Variants in C16orf46 observed in about 807,000 individuals in gnomAD.
C16orf46 encodes the protein uncharacterized protein C16orf46.
A neutral mutation model predicts 5.5 loss-of-function variants in C16orf46; 7 were observed. The observed-to-expected ratio is 1.28, with a 90% CI of 0.73 to 2.40. The LOEUF (loss-of-function observed/expected upper bound fraction) is 2.40, where lower values mean the gene tolerates loss of function less well. Ranked by LOEUF, C16orf46 falls within the 30% of genes most tolerant of loss-of-function variation. C16orf46 has a pLI of 0.00. For synonymous variants in C16orf46, 200 were observed against 184.1 expected (o/e 1.09, Z -0.70); for missense variants, 614 against 476.0 (o/e 1.29, Z -2.70).
intron 1 of C16orf46, among the ~76,000 whole-genome samples, chr16:81,070,132 A>T (rs1041529668): frequency 6.6e-6 from 1 of 152,158 alleles, no homozygotes; most frequent in African/African-American, 2.4e-5. Flanking sequence ...CTCAAAAAAA[A>T]AAACAAACCT....
At chr16:81,058,484 T>C (rs893144937), downstream of C16orf46, among the ~76,000 whole-genome samples, 1 of 152,082 alleles carries the variant, frequency 6.6e-6, no homozygotes, top group Non-Finnish European at 1.5e-5. Context: ...CAAAACCAGA[T>C]GAGGAAAAAG....
At chr16:81,055,127 C>T (rs1365677284) in intron 3 of C16orf46, among the ~76,000 whole-genome samples, 1 of 152,078 alleles carries the variant, frequency 6.6e-6, no homozygotes, top group African/African-American at 2.4e-5. Flanking sequence ...CGTTGAACAG[C>T]CAAAGAAATT....
exon 4 of C16orf46, chr16:81,053,923 C>T (rs930581227): frequency 6.6e-5 from 51 of 777,372 alleles, no homozygotes; most frequent in Middle Eastern, 2.4e-4. Context: ...CCAAACGTGG[C>T]GTCTTCTTAC....
At chr16:81,068,560 T>G (rs1472425968) in intron 1 of C16orf46, among the ~76,000 whole-genome samples, 2 of 88,304 alleles carry the variant, frequency 2.3e-5, no homozygotes, top group African/African-American at 7.5e-5. Flanking sequence ...TTTGTATTTC[T>G]TTGTATTTTT....
In C16orf46 at chr16:81,075,775, C is replaced by G. The variant is rs556751830; in HGVS notation, c.-128+1361G>C. On this transcript the variant is annotated intron_variant, in intron 1 of 3. Coordinates refer to ENST00000299578, the MANE Select transcript of C16orf46 (RefSeq NM_152337.3). Reference sequence around the variant, plus strand: ...GTCTATATAGTCAGATTACAAATATCTTACCGTAGCTTCCTATACCTGGTT... The same window carrying G: ...GTCTATATAGTCAGATTACAAATATGTTACCGTAGCTTCCTATACCTGGTT... 2.6e-5 allele frequency among the ~76,000 whole-genome samples: 4 copies of G among 152,294 alleles called. No individual in the cohort carries two copies. In the East Asian group the frequency reaches 7.7e-4, roughly 29 times the overall value.
intron 1 of C16orf46, chr16:81,076,886 T>C (rs917332145): frequency 1.3e-5 from 2 of 152,354 alleles, no homozygotes; most frequent in African/African-American, 4.8e-5. Context: ...AAAAGCGTTC[T>C]GGATTGCCCG....
At position 81,062,136 on chromosome 16, in the gene C16orf46, G is replaced by C. The variant is rs769775408; in HGVS notation, c.213C>G (p.Val71=). 5 of 1,564,890 alleles carry C rather than the reference G, an allele frequency of 3.2e-6. No individual in the cohort carries two copies. The Admixed American group carries it at 7.3e-5, about 23-fold the overall frequency. The change falls in exon 4 of 4, where the codon GTC becomes GTG. Residue 71 remains valine (V), a splice_region_variant and synonymous_variant. Transcript: ENST00000299578. ...FIIGTGWEEA[V]QGWGRTSPAA... Reference sequence around the variant, plus strand: ...CTGGAGAAGTCCTTCCCCACCCTTGGACCTGCAAATAAAGCGGCATGTTAC... The same window carrying C: ...CTGGAGAAGTCCTTCCCCACCCTTGCACCTGCAAATAAAGCGGCATGTTAC...
At chr16:81,058,041 A>AAACAG, downstream of C16orf46, 1 of 173,302 alleles carries the variant, frequency 5.8e-6, no homozygotes, top group Admixed American at 5.7e-5. Flanking sequence ...AAACAAAACA[A>AAACAG]AACAAAACAA....
intron 2 of C16orf46, 115 bp from the exon 3 acceptor site, chr16:81,064,108 G>A (rs1258180925): frequency 6.8e-6 from 4 of 585,402 alleles, no homozygotes; most frequent in Admixed American, 3.2e-5. Flanking sequence ...GGCCGGCCGC[G>A]GTGGCTCATG....
chr16:81,061,672 C>G lies in C16orf46; in HGVS notation c.677G>C (p.Gly226Ala), dbSNP rs1971482320. Residue 226 changes from glycine (G) to alanine (A), a missense_variant, in exon 4 of 4, where the codon GGT becomes GCT. By Grantham distance (60) the Gly-to-Ala change is moderately conservative. Coordinates refer to ENST00000299578, the MANE Select transcript of C16orf46 (RefSeq NM_152337.3). ...CAAGAAAGAGTTCTTACTCTTCTTA[C>G]CCAGAACATCCAAAGCATTTGAAAG... ...ASLSNALDVL[G>A]KKSKNSFLQS... 1 of 1,614,166 alleles carries G rather than the reference C, an allele frequency of 6.2e-7. No individual in the cohort carries two copies. The highest frequency in any genetic ancestry group is 8.5e-7 in the Non-Finnish European group (1 of 1,180,036).
chr16:81,073,201 T>C (rs1328213485), intron 1 of C16orf46, among the ~76,000 whole-genome samples: 1 of 152,210 alleles, frequency 6.6e-6, no homozygotes, highest in East Asian at 1.9e-4. Flanking sequence ...CTGTAGTTAT[T>C]ACCCTGTGTA....
chr16:81,055,823 C>G (rs773260218), intron 3 of C16orf46, among the ~76,000 whole-genome samples: 4 of 152,176 alleles, frequency 2.6e-5, no homozygotes, highest in Admixed American at 6.5e-5. Flanking sequence ...CGGGTTCAAG[C>G]GACTCTCCTG....
intron 1 of C16orf46, among the ~76,000 whole-genome samples, chr16:81,073,534 ATATGT>A (rs1971927497): frequency 6.6e-6 from 1 of 152,198 alleles, no homozygotes; most frequent in Non-Finnish European, 1.5e-5. Flanking sequence ...ACATCCACAA[ATATGT>A]TATATTACAT....
Position 81,061,601 on chromosome 16 carries a change from C to T in C16orf46, c.748G>A (p.Ala250Thr). ...GCTGTTTTCAAGCCATATGCATAAG[C>T]CACACACCCATCCTTTTCCACATCC... ...VLDVEKDGCV[A>T]YAYGLKTADG... Residue 250 changes from alanine (A) to threonine (T), a missense_variant, in exon 4 of 4, where the codon GCT (alanine) becomes ACT (threonine). Physicochemically the swap from Ala to Thr is moderately conservative, Grantham distance 58 (BLOSUM62 0). Transcript: ENST00000299578. 1 of 1,614,206 alleles carries T rather than the reference C, an allele frequency of 6.2e-7. No homozygotes were observed. The highest frequency in any genetic ancestry group is 8.5e-7 in the Non-Finnish European group (1 of 1,180,040).
rs532565778 is a variant in C16orf46, at chr16:81,075,521, C to T, written c.-128+1615G>A. ...AGGAGAATCGCTTGAACCCGAGAGGCAGAGGTTGCAGTAAGCCGAGATTGC... is the reference window on the plus strand; with the variant it reads ...AGGAGAATCGCTTGAACCCGAGAGGTAGAGGTTGCAGTAAGCCGAGATTGC... On this transcript the variant is annotated intron_variant, in intron 1 of 3. Coordinates refer to ENST00000299578, the MANE Select transcript of C16orf46 (RefSeq NM_152337.3). Among the ~76,000 whole-genome samples, 16 of 152,240 alleles carry T rather than the reference C, an allele frequency of 1.1e-4. 1 individual carries two copies. In the South Asian group the frequency reaches 3.3e-3, roughly 32 times the overall value.
chr16:81,057,133 G>C (rs995221968), downstream of C16orf46, among the ~76,000 whole-genome samples: 11 of 152,146 alleles, frequency 7.2e-5, no homozygotes, highest in African/African-American at 2.7e-4. Context: ...GCCCCAAATA[G>C]TGCCCAGGTT....
At position 81,064,043 on chromosome 16, in the gene C16orf46, A is replaced by T. The variant is rs538738998; in HGVS notation, c.-38-50T>A. 4.6e-4 allele frequency: 467 copies of T among 1,010,822 alleles called. No homozygotes were observed. The African/African-American group carries it at 6.5e-3, about 14-fold the overall frequency. The allele number at this position is 1,010,822 out of a possible 1,614,324, so 62.6% of individuals were successfully genotyped here. ...TCGTTTTTAATATTAATTTTTTTTTAAAAAAAGCAATGCAATACTCAGGTG... is the reference window on the plus strand; with the variant it reads ...TCGTTTTTAATATTAATTTTTTTTTTAAAAAAGCAATGCAATACTCAGGTG... On this transcript the variant is annotated intron_variant, in intron 2 of 3. Coordinates refer to ENST00000299578, the MANE Select transcript of C16orf46 (RefSeq NM_152337.3).
downstream of C16orf46, chr16:81,058,060 A>AAAACAAAACAAAACAAAACAAAACC (rs111308671): frequency 5.8e-6 from 1 of 171,248 alleles, no homozygotes; most frequent in African/African-American, 2.4e-5. Flanking sequence ...AAAACAAAAC[A>AAAACAAAACAAAACAAAACAAAACC]AAACCTGAAA....
intron 1 of C16orf46, among the ~76,000 whole-genome samples, chr16:81,068,127 T>G (rs1971710101): frequency 6.6e-6 from 1 of 152,210 alleles, no homozygotes; most frequent in Admixed American, 6.5e-5. Context: ...AATTTGTTAA[T>G]GAACTGAGAA....
Sources: allele counts gnomAD v4.1 joint callset (sites outside exome capture counted in the v4.1 genomes callset), GRCh38; gene constraint gnomAD v4.1.1; transcripts MANE v1.5; gene names NCBI Gene and HGNC (gene_info 2026-07-23, HGNC 2026-07-21).